GRIK3: variants seen among roughly 807,000 people sequenced by gnomAD.
GRIK3 encodes glutamate receptor ionotropic, kainate 3.
GRIK3 carries 29 observed loss-of-function variants against 102.5 expected under a neutral mutation model. The ratio of observed to expected loss-of-function variants is 0.28; its 90% CI spans 0.21 to 0.39. GRIK3 has a LOEUF of 0.39. GRIK3 is among the 10% of genes least tolerant of loss of function. GRIK3 has a pLI of 1.00. For missense variants in GRIK3, 908 were observed against 1,252.4 expected, an observed-to-expected ratio of 0.73 and a Z score of 4.15; for synonymous variants, 511 against 504.9, an observed-to-expected ratio of 1.01 and a Z score of -0.16.
intron 1 of GRIK3, among the ~76,000 whole-genome samples, chr1:36,933,437 T>G (rs1048294863): frequency 6.6e-6 from 1 of 152,244 alleles, no homozygotes; most frequent in African/African-American, 2.4e-5. Flanking sequence ...GGTAACTATG[T>G]AGTTTCAAAC....
At position 36,799,561 on chromosome 1, in the gene GRIK3, C is replaced by T. The variant is rs1642416535; in HGVS notation, c.*2290G>A. 6.6e-6 allele frequency: 1 copy of T among 152,222 alleles called. No homozygotes were observed. Among genetic ancestry groups the T allele is most frequent in the African/African-American group, 2.4e-5 (1 of 41,440 alleles). The allele number at this position is 152,222 out of a possible 1,614,324, so 9.4% of individuals were successfully genotyped here. On this transcript the variant is annotated 3_prime_UTR_variant, in exon 16 of 16. Coordinates refer to ENST00000373091, the MANE Select transcript of GRIK3 (RefSeq NM_000831.4). ...TCTCCTTTTACGCATATTTGGCTAG[C>T]TGCAGGTAAGATCCTGATCTCCATC...
At chr1:36,953,914 A>G (rs1212338970) in intron 1 of GRIK3, among the ~76,000 whole-genome samples, 1 of 152,102 alleles carries the variant, frequency 6.6e-6, no homozygotes, top group East Asian at 1.9e-4. Flanking sequence ...AGCTGCCGGG[A>G]AAGGACAATT....
intron 13 of GRIK3, among the ~76,000 whole-genome samples, chr1:36,812,263 C>G (rs778172253): frequency 1.3e-5 from 2 of 152,070 alleles, no homozygotes; most frequent in Non-Finnish European, 2.9e-5. Context: ...AGGGGGATGG[C>G]CTGACAATGA....
At chr1:36,920,060 A>T (rs1641449586) in intron 1 of GRIK3, among the ~76,000 whole-genome samples, 1 of 152,214 alleles carries the variant, frequency 6.6e-6, no homozygotes, top group East Asian at 1.9e-4. Flanking sequence ...ACCACGGCTG[A>T]GAAGAAATGG....
At chr1:36,932,223 T>C (rs1641598715) in intron 1 of GRIK3, among the ~76,000 whole-genome samples, 1 of 152,196 alleles carries the variant, frequency 6.6e-6, no homozygotes, top group South Asian at 2.1e-4. Flanking sequence ...ATCTTAGTCA[T>C]CATATGACTT....
chr1:37,022,644 C>T (rs1185263437), intron 1 of GRIK3, among the ~76,000 whole-genome samples: 3 of 152,226 alleles, frequency 2.0e-5, no homozygotes, highest in Non-Finnish European at 4.4e-5. Context: ...ATCTTGACTT[C>T]GTGGAAGAAT....
intron 9 of GRIK3, among the ~76,000 whole-genome samples, chr1:36,848,970 C>T (rs1570758542): frequency 6.6e-6 from 1 of 152,160 alleles, no homozygotes; most frequent in African/African-American, 2.4e-5. Flanking sequence ...CCTAAGACCA[C>T]CTCTTCAGGC....
At chr1:36,832,448 C>A (rs904759139) in intron 10 of GRIK3, among the ~76,000 whole-genome samples, 12 of 152,228 alleles carry the variant, frequency 7.9e-5, no homozygotes, top group African/African-American at 2.7e-4. Context: ...TAAGAAAACA[C>A]TGTGTCCCTC....
intron 1 of GRIK3, among the ~76,000 whole-genome samples, chr1:37,027,112 T>C (rs1642772711): frequency 6.6e-6 from 1 of 151,670 alleles, no homozygotes; most frequent in South Asian, 2.1e-4. Flanking sequence ...ATACTGTTAG[T>C]AAACAAGGCA....
intron 1 of GRIK3, among the ~76,000 whole-genome samples, chr1:36,972,093 C>T (rs1455507939): frequency 6.6e-6 from 1 of 152,336 alleles, no homozygotes; most frequent in East Asian, 1.9e-4. Flanking sequence ...TACTTAGCGG[C>T]AGTAATCATC....
intron 1 of GRIK3, among the ~76,000 whole-genome samples, chr1:36,912,244 G>A (rs895249173): frequency 6.6e-6 from 1 of 152,082 alleles, no homozygotes; most frequent in Non-Finnish European, 1.5e-5. Context: ...TCCTCTGCAT[G>A]CCCTCAGCTT....
intron 7 of GRIK3, among the ~76,000 whole-genome samples, chr1:36,856,965 C>T (rs772961150): frequency 4.6e-4 from 70 of 152,306 alleles, no homozygotes; most frequent in Non-Finnish European, 8.7e-4. Context: ...TGGCAGCCAA[C>T]CTGTTCAGCA....
chr1:36,956,137 C>T (rs1337447822), intron 1 of GRIK3, among the ~76,000 whole-genome samples: 1 of 152,198 alleles, frequency 6.6e-6, no homozygotes, highest in Admixed American at 6.5e-5. Context: ...CTCTGCTCCC[C>T]GCCCTTTTCA....
intron 1 of GRIK3, among the ~76,000 whole-genome samples, chr1:36,961,214 C>T (rs151248796): frequency 1.8e-3 from 277 of 152,330 alleles, no homozygotes; most frequent in African/African-American, 5.2e-3. Flanking sequence ...CTCACTCAGC[C>T]GCCTGCCCTC....
chr1:36,859,526 C>A (rs1422262133), intron 6 of GRIK3, among the ~76,000 whole-genome samples: 1 of 150,478 alleles, frequency 6.6e-6, no homozygotes, highest in Non-Finnish European at 1.5e-5. Flanking sequence ...CCTGACCACA[C>A]CTTCTTCTTT....
At chr1:37,024,276 C>G (rs1411037725) in intron 1 of GRIK3, among the ~76,000 whole-genome samples, 3 of 152,058 alleles carry the variant, frequency 2.0e-5, no homozygotes, top group African/African-American at 7.2e-5. Flanking sequence ...TTCTGCAGAG[C>G]TCTAGTGTAG....
At chr1:36,869,837 A>G (rs1032074091) in intron 4 of GRIK3, 36 bp from the exon 5 acceptor site, 3 of 1,558,406 alleles carry the variant, frequency 1.9e-6, no homozygotes, top group East Asian at 2.2e-5. Flanking sequence ...TCAGCAGGGA[A>G]CCCCTGGGCA....
At chr1:36,928,270 G>A (rs914597519) in intron 1 of GRIK3, among the ~76,000 whole-genome samples, 2 of 152,186 alleles carry the variant, frequency 1.3e-5, no homozygotes, top group African/African-American at 4.8e-5. Context: ...CTGAGTGTGC[G>A]AGGTAGCTGT....
intron 1 of GRIK3, among the ~76,000 whole-genome samples, chr1:36,950,708 ATC>A (rs1423461589): frequency 1.3e-5 from 2 of 152,218 alleles, no homozygotes; most frequent in Non-Finnish European, 2.9e-5. Context: ...CATGCGATTT[ATC>A]TGTTTGTTTA....
Sources: gnomAD v4.1 joint callset for allele counts (sites outside exome capture counted in the v4.1 genomes callset) on GRCh38, gnomAD v4.1.1 for gene constraint, MANE v1.5 for transcripts, NCBI Gene and HGNC (gene_info 2026-07-23, HGNC 2026-07-21) for gene names.